MEP1A: variants seen among roughly 807,000 people sequenced by gnomAD.
The protein encoded by MEP1A is meprin A subunit alpha, also known as N-benzoyl-L-tyrosyl-P-amino-benzoic acid hydrolase subunit alpha.
A neutral mutation model predicts 84.5 loss-of-function variants in MEP1A; 68 were observed. The observed-to-expected ratio is 0.80, with a 90% confidence interval of 0.66 to 0.98. The LOEUF (loss-of-function observed/expected upper bound fraction) is 0.98, where lower values mean the gene tolerates loss of function less well. Ranked by LOEUF, MEP1A falls within the 50% of genes least tolerant of loss-of-function variation. The pLI is 0.00. For missense variants in MEP1A, 887 were observed against 919.9 expected, an observed-to-expected ratio of 0.96 and a Z score of 0.46; for synonymous variants, 337 against 336.8, an observed-to-expected ratio of 1.00 and a Z score of -0.01.
At chr6:46,818,435 C>T (rs1166968254) in intron 6 of MEP1A, among the ~76,000 whole-genome samples, 1 of 152,080 alleles carries the variant, frequency 6.6e-6, no homozygotes, top group African/African-American at 2.4e-5. Flanking sequence ...TTCTTTTCTG[C>T]TCAGCATTGG....
chr6:46,840,252 T>G (rs187375900), downstream of MEP1A, among the ~76,000 whole-genome samples: 208 of 152,278 alleles, frequency 1.4e-3, 1 homozygote, highest in Non-Finnish European at 2.5e-3. Context: ...GGGAACAATT[T>G]GTAGCGAGTG....
At chr6:46,841,224 G>A (rs562975931), downstream of MEP1A, among the ~76,000 whole-genome samples, 1 of 152,236 alleles carries the variant, frequency 6.6e-6, no homozygotes, top group African/African-American at 2.4e-5. Context: ...CAGAATGAGG[G>A]TAAAGCATTT....
chr6:46,813,239 AT>A (rs1767547850), intron 6 of MEP1A, among the ~76,000 whole-genome samples: 1 of 152,172 alleles, frequency 6.6e-6, no homozygotes, highest in South Asian at 2.1e-4. Flanking sequence ...CCTCAAAACC[AT>A]GCAAATACGT....
At chr6:46,799,998 A>AT (rs1767157645) in intron 5 of MEP1A, among the ~76,000 whole-genome samples, 2 of 152,260 alleles carry the variant, frequency 1.3e-5, no homozygotes, top group East Asian at 3.9e-4. Flanking sequence ...ATGTTTCAGT[A>AT]TTTTCCATCC....
chr6:46,805,644 AT>A (rs1414097700), intron 5 of MEP1A, among the ~76,000 whole-genome samples: 4 of 151,816 alleles, frequency 2.6e-5, no homozygotes, highest in African/African-American at 9.7e-5. Context: ...AAACTTTCAT[AT>A]TATTGTTCTC....
chr6:46,824,965 TTA>T lies in MEP1A; in HGVS notation c.557-306_557-305del, dbSNP rs1351970197. ...AAATTATATATTTAAATAGATCTAT[TTA>T]AATATATATAAATTATATATTTAAA... On this transcript the variant is annotated intron_variant, in intron 7 of 13. Coordinates refer to ENST00000230588, the MANE Select transcript of MEP1A (RefSeq NM_005588.3). Among the ~76,000 whole-genome samples the T allele has an allele frequency of 4.9e-5, 6 of 122,942 alleles. 1 individual carries two copies. The highest frequency in any genetic ancestry group is 2.3e-4 in the African/African-American group (6 of 26,322). The allele number at this position is 122,942 out of a possible 152,430, so 80.7% of individuals were successfully genotyped here. A position where few individuals can be genotyped will look rare whatever the true frequency, so the allele number is the denominator to read the frequency against.
intron 9 of MEP1A, among the ~76,000 whole-genome samples, chr6:46,827,257 G>T (rs1767969312): frequency 6.6e-6 from 1 of 152,186 alleles, no homozygotes; most frequent in Non-Finnish European, 1.5e-5. Flanking sequence ...TTTTCTAAAA[G>T]TCTTGGCTTT....
intron 6 of MEP1A, among the ~76,000 whole-genome samples, chr6:46,815,426 G>T (rs1202065680): frequency 1.3e-5 from 2 of 152,160 alleles, no homozygotes; most frequent in Non-Finnish European, 2.9e-5. Flanking sequence ...AGTCCTAAAG[G>T]CTGGGCTTAT....
chr6:46,843,010 C>A (rs1187566017), downstream of MEP1A, among the ~76,000 whole-genome samples: 1 of 152,064 alleles, frequency 6.6e-6, no homozygotes, highest in Non-Finnish European at 1.5e-5. Flanking sequence ...TTTAAGTGCT[C>A]CACCTCCAAG....
Position 46,835,364 on chromosome 6 carries a change from C to A in MEP1A, c.1899C>A (p.Ala633=), listed in dbSNP as rs116465625. Residue 633 remains alanine, a synonymous_variant, in exon 13 of 14, where the codon GCC becomes GCA. Transcript: ENST00000230588. Reference sequence around the variant, plus strand: ...TCTCCGAAGAAGGTTCGGGAAAGGCCATGTTAGAGGAAGCCCTACCTGTCA... The same window carrying A: ...TCTCCGAAGAAGGTTCGGGAAAGGCAATGTTAGAGGAAGCCCTACCTGTCA... ...QQVSEEGSGK[A]MLEEALPVSL... 10 of 1,611,744 alleles carry A rather than the reference C, an allele frequency of 6.2e-6. No homozygotes were observed. In the African/African-American group the frequency reaches 1.2e-4, roughly 19 times the overall value.
At chr6:46,803,813 A>G (rs1329498424) in intron 5 of MEP1A, among the ~76,000 whole-genome samples, 1 of 151,622 alleles carries the variant, frequency 6.6e-6, no homozygotes, top group Non-Finnish European at 1.5e-5. Context: ...AATTTAGTTT[A>G]TTAATAGATA....
At chr6:46,820,454 G>A (rs6922686) in intron 7 of MEP1A, among the ~76,000 whole-genome samples, 63,364 of 151,834 alleles carry the variant, frequency 0.42, 13,504 homozygotes, top group African/African-American at 0.49. Context: ...GCAATGGTGC[G>A]ATCTCAGCTC....
At chr6:46,843,794 G>A (rs1385633076), downstream of MEP1A, among the ~76,000 whole-genome samples, 1 of 152,112 alleles carries the variant, frequency 6.6e-6, no homozygotes, top group Non-Finnish European at 1.5e-5. Context: ...CTGTTTTATG[G>A]CTTGATTAAA....
chr6:46,824,770 T>TATATTTAATTAG lies in MEP1A; in HGVS notation c.557-500_557-499insATTTAATTAGAT, dbSNP rs1562113410. Among the ~76,000 whole-genome samples, 38 of 46,486 alleles carry TATATTTAATTAG rather than the reference T, an allele frequency of 8.2e-4. 4 individuals are homozygous for TATATTTAATTAG. The highest frequency in any genetic ancestry group is 3.5e-3 in the African/African-American group (38 of 10,908). 30.5% of individuals were successfully genotyped at this position (46,486 alleles called of 152,430 possible). Reference sequence around the variant, plus strand: ...TAGATGTATTTAAATATATATAAATTATGTATTTAAATAGATGTATTTAAA... The same window carrying TATATTTAATTAG: ...TAGATGTATTTAAATATATATAAATTATATTTAATTAGATGTATTTAAATAGATGTATTTAAA... On this transcript the variant is annotated intron_variant, in intron 7 of 13. Coordinates refer to ENST00000230588, the MANE Select transcript of MEP1A (RefSeq NM_005588.3).
chr6:46,833,889 T>G (rs2150756961), intron 11 of MEP1A, among the ~76,000 whole-genome samples: 1 of 152,286 alleles, frequency 6.6e-6, no homozygotes, highest in Non-Finnish European at 1.5e-5. Flanking sequence ...CTGGGCTCTG[T>G]GCAGAGCTAA....
At chr6:46,806,368 G>A (rs150851085) in intron 5 of MEP1A, among the ~76,000 whole-genome samples, 2 of 152,124 alleles carry the variant, frequency 1.3e-5, no homozygotes, top group East Asian at 3.9e-4. Flanking sequence ...TTAAATTACT[G>A]CATGATCATC....
Position 46,829,582 on chromosome 6 carries a change from G to A in MEP1A, c.1144+11G>A. 1 of 1,602,962 alleles carries A rather than the reference G, an allele frequency of 6.2e-7. No homozygotes were observed. The highest frequency in any genetic ancestry group is 8.5e-7 in the Non-Finnish European group (1 of 1,169,994). ...TGCAGACTTTTCAAGGTACTTAGAG[G>A]CATTCACACGAGGAATGGATTGGGT... On this transcript the variant is annotated intron_variant, in intron 10 of 13. Coordinates refer to ENST00000230588, the MANE Select transcript of MEP1A (RefSeq NM_005588.3).
At chr6:46,820,390 G>GTTGTT (rs1767740811) in intron 7 of MEP1A, among the ~76,000 whole-genome samples, 4 of 152,052 alleles carry the variant, frequency 2.6e-5, no homozygotes, top group Middle Eastern at 3.4e-3. Flanking sequence ...TGTTCTTTAG[G>GTTGTT]TTGTTTTGTT....
At chr6:46,833,013 C>T in intron 10 of MEP1A, 61 bp from the exon 11 acceptor site, 2 of 947,108 alleles carry the variant, frequency 2.1e-6, no homozygotes, top group Non-Finnish European at 3.2e-6. Context: ...GTGCCAAACT[C>T]ATAATAAGTA....
Sources: allele counts gnomAD v4.1 joint callset (sites outside exome capture counted in the v4.1 genomes callset), GRCh38; gene constraint gnomAD v4.1.1; transcripts MANE v1.5; gene names NCBI Gene and HGNC (gene_info 2026-07-23, HGNC 2026-07-21).